APEH: variants seen among roughly 807,000 people sequenced by gnomAD.
APEH encodes the protein acylamino-acid-releasing enzyme.
Under a neutral mutation model 102.7 loss-of-function variants are expected in APEH, and 75 were observed. The ratio of observed to expected loss-of-function variants is 0.73; its 90% confidence interval spans 0.61 to 0.89. The LOEUF is 0.89. APEH is among the 40% of genes least tolerant of loss of function. The pLI is 0.00. For missense variants in APEH, 863 were observed against 941.2 expected (o/e 0.92, Z 1.09); for synonymous variants, 344 against 362.7 (o/e 0.95, Z 0.59).
intron 9 of APEH, 39 bp from the exon 10 acceptor site, chr3:49,676,864 T>C (rs1400335862): frequency 1.2e-6 from 2 of 1,614,136 alleles, no homozygotes; most frequent in Non-Finnish European, 1.7e-6. Flanking sequence ...ATGTTGGCCC[T>C]GCCAGCCTGC....
chr3:49,674,584 C>T lies in APEH; in HGVS notation c.108C>T (p.Thr36=), dbSNP rs745522265. 5 of 1,579,190 alleles carry T rather than the reference C, an allele frequency of 3.2e-6. No individual in the cohort carries two copies. Among genetic ancestry groups the T allele is most frequent in the Non-Finnish European group, 4.3e-6 (5 of 1,172,224 alleles). ...LSAACLGPEV[T]TQYGGQYRTV... ...CCGCCTGCCTGGGCCCGGAGGTCAC[C>T]ACGCAGTACGGCGGCCAATACCGGA... The change falls in exon 2 of 22, where the codon ACC becomes ACT. Residue 36 remains threonine (T), a synonymous_variant. Transcript: ENST00000296456.
In APEH at chr3:49,682,963, T is replaced by A; in HGVS notation, c.1986+18T>A. 6.2e-7 allele frequency: 1 copy of A among 1,611,900 alleles called. No homozygotes were observed. Among genetic ancestry groups the A allele is most frequent in the Non-Finnish European group, 8.5e-7 (1 of 1,178,612 alleles). ...TCCCTCAGGTATGCAGCCCCCTCCT[T>A]GCCCTGTGTGCTGCCCATCCATCCA... On this transcript the variant is annotated intron_variant, in intron 20 of 21. Coordinates refer to ENST00000296456, the MANE Select transcript of APEH (RefSeq NM_001640.4).
intron 20 of APEH, 22 bp downstream of exon 20, chr3:49,682,967 C>G (rs1355501348): frequency 1.2e-6 from 2 of 1,611,838 alleles, no homozygotes; most frequent in African/African-American, 2.7e-5. Context: ...CCTCCTTGCC[C>G]TGTGTGCTGC....
Position 49,682,707 on chromosome 3 carries a change from C to T in APEH, c.1854C>T (p.Ser618=). ...VARNPVINIA[S]MLGSTDIPDW... ...GGAACCCCGTGATCAACATCGCCTCCATGTTGGGCTCCACTGACATCCCTG... is the reference window on the plus strand; with the variant it reads ...GGAACCCCGTGATCAACATCGCCTCTATGTTGGGCTCCACTGACATCCCTG... Residue 618 remains serine, a synonymous_variant, in exon 19 of 22, where the codon TCC becomes TCT. Coordinates refer to ENST00000296456, the MANE Select transcript of APEH (RefSeq NM_001640.4). The T allele has an allele frequency of 6.2e-7, 1 of 1,613,986 alleles. No individual in the cohort carries two copies. Among genetic ancestry groups the T allele is most frequent in the Non-Finnish European group, 8.5e-7 (1 of 1,180,004 alleles).
chr3:49,681,049 A>C (rs1386829669), intron 14 of APEH, 52 bp from the exon 15 acceptor site: 11 of 1,518,136 alleles, frequency 7.2e-6, no homozygotes, highest in Non-Finnish European at 9.7e-6. Flanking sequence ...GGCAGAAGGG[A>C]AGGGCAGGGA....
upstream of APEH, chr3:49,674,213 C>T: frequency 2.8e-6 from 2 of 711,944 alleles, no homozygotes; most frequent in Non-Finnish European, 4.5e-6. Context: ...CGCTCCCAGG[C>T]CGGGTCCTCT....
chr3:49,673,578 G>A (rs1280659060), upstream of APEH, among the ~76,000 whole-genome samples: 5 of 152,270 alleles, frequency 3.3e-5, no homozygotes, highest in East Asian at 9.7e-4. Flanking sequence ...CACCCTAAGA[G>A]TTGGCACCCG....
chr3:49,675,645 A>T (rs2052999569), intron 3 of APEH, 49 bp from the exon 4 acceptor site: 1 of 1,526,676 alleles, frequency 6.6e-7, no homozygotes, highest in South Asian at 1.1e-5. Flanking sequence ...AGGGAGCAGG[A>T]AGGGGTTATT....
Position 49,676,599 on chromosome 3 carries a change from C to T in APEH, c.745-10C>T. Reference sequence around the variant, plus strand: ...CCTTGCTCACTCCTGCCCTTTGATCCTGTTTACAGGCATTTTGGGCCCCTG... The same window carrying T: ...CCTTGCTCACTCCTGCCCTTTGATCTTGTTTACAGGCATTTTGGGCCCCTG... On this transcript the variant is annotated splice_polypyrimidine_tract_variant and intron_variant, in intron 7 of 21. Coordinates refer to ENST00000296456, the MANE Select transcript of APEH (RefSeq NM_001640.4). The T allele has an allele frequency of 6.2e-7, 1 of 1,614,256 alleles. No homozygotes were observed. Among genetic ancestry groups the T allele is most frequent in the Non-Finnish European group, 8.5e-7 (1 of 1,180,048 alleles).
In APEH at chr3:49,676,194, T is replaced by A; in HGVS notation, c.581T>A (p.Leu194Gln). ...VSASDDEIAR[L>Q]KKPDQAIKGD... ...GCCAGCGATGATGAGATAGCCAGGC[T>A]GAAGAAGCCAGACCAAGCCATCAAG... The change falls in exon 6 of 22, where the codon CTG becomes CAG. Residue 194 changes from leucine to glutamine, a missense_variant. Physicochemically the swap from Leu to Gln is moderately radical, Grantham distance 113. Transcript: ENST00000296456. The A allele has an allele frequency of 3.7e-6, 6 of 1,614,092 alleles. No homozygotes were observed. In the South Asian group the frequency reaches 5.5e-5, roughly 15 times the overall value.
chr3:49,680,772 A>G (rs2053282663), intron 14 of APEH, 143 bp downstream of exon 14: 1 of 792,464 alleles, frequency 1.3e-6, no homozygotes, highest in Non-Finnish European at 2.0e-6. Flanking sequence ...GGCATGGTCC[A>G]TGAGGGTTTG....
chr3:49,681,145 G>A lies in APEH; in HGVS notation c.1344G>A (p.Leu448=). ...CTGCAGGGAAGGAGCAGTCAGTGTT[G>A]TGGGTGTCCCTGGAGGAGGCCGAGC... is the stretch of plus-strand genomic sequence containing the variant. ...LPSAGKEQSV[L]WVSLEEAEPI... The change falls in exon 15 of 22, where the codon TTG becomes TTA. Residue 448 remains leucine (L), a synonymous_variant. Transcript: ENST00000296456. 1 of 1,610,038 alleles carries A rather than the reference G, an allele frequency of 6.2e-7. No individual in the cohort carries two copies. Among genetic ancestry groups the A allele is most frequent in the Non-Finnish European group, 8.5e-7 (1 of 1,177,932 alleles).
chr3:49,679,578 T>C lies in APEH; in HGVS notation c.1159-15T>C. On this transcript the variant is annotated splice_polypyrimidine_tract_variant and intron_variant, in intron 12 of 21. Coordinates refer to ENST00000296456, the MANE Select transcript of APEH (RefSeq NM_001640.4). The surrounding 1 kb of genome is among the most constrained non-coding windows in gnomAD (Gnocchi z 4.3). ...CTTGGATGTGGTCGCACCTGTGGCC[T>C]TGCCTCTGCTTCAGGACCTGTTTGC... 6.2e-7 allele frequency: 1 copy of C among 1,613,654 alleles called. No homozygotes were observed. The highest frequency in any genetic ancestry group is 1.1e-5 in the South Asian group (1 of 91,072).
rs201222128 is a variant in APEH, at chr3:49,678,820, T to G, written c.1061-32T>G. On this transcript the variant is annotated intron_variant, in intron 11 of 21. Coordinates refer to ENST00000296456, the MANE Select transcript of APEH (RefSeq NM_001640.4). ...AGACTACCCTCCCTACCTCCACTCC[T>G]GGATGCAGCCTCAGCCCTCCTATCT... The G allele has an allele frequency of 1.9e-6, 3 of 1,564,086 alleles. No individual in the cohort carries two copies. The East Asian group carries it at 6.7e-5, about 35-fold the overall frequency.
chr3:49,674,530 G>C lies in APEH; in HGVS notation c.54G>C (p.Arg18=). 4 of 1,567,368 alleles carry C rather than the reference G, an allele frequency of 2.6e-6. No homozygotes were observed. The highest frequency in any genetic ancestry group is 3.4e-6 in the Non-Finnish European group (4 of 1,165,150). ...SEPEEAAALY[R]GLSRQPALSA... ...CCGAGGAGGCGGCGGCTCTGTATCG[G>C]GGCCTTAGCCGCCAGCCCGCGCTGA... is the stretch of plus-strand genomic sequence containing the variant. The change falls in exon 2 of 22, where the codon CGG becomes CGC. Residue 18 remains arginine, a synonymous_variant. Coordinates refer to ENST00000296456, the MANE Select transcript of APEH (RefSeq NM_001640.4).
chr3:49,680,340 C>T, intron 13 of APEH: 1 of 560,822 alleles, frequency 1.8e-6, no homozygotes, highest in Non-Finnish European at 3.2e-6. Context: ...CCCAGCCCAG[C>T]CAGTGTCTGT....
rs1274912216 is a variant in APEH at position 49,680,639 on chromosome 3, G to A, written c.1299+10G>A. 3.2e-5 allele frequency: 51 copies of A among 1,612,460 alleles called. No homozygotes were observed. The highest frequency in any genetic ancestry group is 4.0e-5 in the Non-Finnish European group (47 of 1,178,864). Reference sequence around the variant, plus strand: ...CCTACCTCCAACCCTGGTGAGTGTCGGTGGGTCCCAGGCTGTGGAGGCAGG... The same window carrying A: ...CCTACCTCCAACCCTGGTGAGTGTCAGTGGGTCCCAGGCTGTGGAGGCAGG... On this transcript the variant is annotated intron_variant, in intron 14 of 21. Transcript: ENST00000296456.
intron 2 of APEH, 75 bp downstream of exon 2, chr3:49,674,696 C>A: frequency 6.5e-7 from 1 of 1,545,680 alleles, no homozygotes; most frequent in East Asian, 2.3e-5. Flanking sequence ...GTGGAGGGCT[C>A]GCTGCTTGAC....
chr3:49,676,291 G>A, intron 6 of APEH, 72 bp downstream of exon 6: 1 of 1,611,580 alleles, frequency 6.2e-7, no homozygotes, highest in African/African-American at 1.3e-5. Context: ...CCCATACTGT[G>A]CCTGTCAGAC....
Sources: gnomAD v4.1 joint callset for allele counts (sites outside exome capture counted in the v4.1 genomes callset) on GRCh38, gnomAD v4.1.1 for gene constraint, Gnocchi (gnomAD v3.1) non-coding constraint, MANE v1.5 for transcripts, NCBI Gene and HGNC (gene_info 2026-07-23, HGNC 2026-07-21) for gene names.